BCL11A: variants seen among roughly 807,000 people sequenced by gnomAD.
The protein encoded by BCL11A is B cell CLL/lymphoma 11A.
A neutral mutation model predicts 55.9 loss-of-function variants in BCL11A; 2 were observed. That is an observed-to-expected ratio of 0.04 (90% CI 0.01 to 0.11). The LOEUF (loss-of-function observed/expected upper bound fraction) is 0.11. Among genes scored for constraint, BCL11A ranks in the 10% least tolerant of loss-of-function variants. BCL11A has a pLI of 1.00. For missense variants in BCL11A, 817 were observed against 1,137.1 expected (o/e 0.72, Z 4.05); for synonymous variants, 465 against 473.4 (o/e 0.98, Z 0.23).
At chr2:60,549,534 C>G (rs1356596788) in intron 1 of BCL11A, among the ~76,000 whole-genome samples, 1 of 152,214 alleles carries the variant, frequency 6.6e-6, no homozygotes, top group Non-Finnish European at 1.5e-5. Context: ...GGCGCGGGGA[C>G]TCTGAGGCAC....
At chr2:60,548,879 T>G (rs1670268718) in intron 1 of BCL11A, among the ~76,000 whole-genome samples, 1 of 152,222 alleles carries the variant, frequency 6.6e-6, no homozygotes, top group African/African-American at 2.4e-5. Context: ...CTTTTCTCAG[T>G]GGCAATCAAC....
At chr2:60,528,975 G>A (rs1331472877) in intron 2 of BCL11A, among the ~76,000 whole-genome samples, 1 of 152,190 alleles carries the variant, frequency 6.6e-6, no homozygotes, top group Non-Finnish European at 1.5e-5. Flanking sequence ...CCAGCTAGCA[G>A]TAACATAGAA....
At chr2:60,542,581 T>A (rs1316027441) in intron 2 of BCL11A, 1 of 152,246 alleles carries the variant, frequency 6.6e-6, no homozygotes, top group Non-Finnish European at 1.5e-5. Context: ...TTCAATGATC[T>A]CAATGGATCA....
intron 1 of BCL11A, among the ~76,000 whole-genome samples, chr2:60,552,040 C>T (rs1670434400): frequency 6.6e-6 from 1 of 152,032 alleles, no homozygotes; most frequent in African/African-American, 2.4e-5. Flanking sequence ...CTCTCTCCCT[C>T]TCCGTGCCGT....
rs1676109006 is a variant in BCL11A, at chr2:60,459,395, AT to A, written c.*1008del. 9.8e-7 allele frequency: 1 copy of A among 1,020,956 alleles called. No individual in the cohort carries two copies. The highest frequency in any genetic ancestry group is 1.7e-5 in the African/African-American group (1 of 58,700). 63.2% of individuals were successfully genotyped at this position (1,020,956 alleles called of 1,614,324 possible). On this transcript the variant is annotated 3_prime_UTR_variant, in exon 4 of 4. Transcript: ENST00000642384. Reference sequence around the variant, plus strand: ...TCAATTTAATCATTGTTTAAAAAAAATAAAACTTTGGGCAAAACAGCCCATT... The same window carrying A: ...TCAATTTAATCATTGTTTAAAAAAAAAAAACTTTGGGCAAAACAGCCCATT...
chr2:60,464,952 C>T (rs1049413685), intron 3 of BCL11A, among the ~76,000 whole-genome samples: 25 of 152,136 alleles, frequency 1.6e-4, no homozygotes, highest in Non-Finnish European at 4.4e-5. Flanking sequence ...TTCCCATCAA[C>T]TAGATATTCT....
At chr2:60,473,466 A>G (rs549003956) in intron 2 of BCL11A, among the ~76,000 whole-genome samples, 2 of 152,232 alleles carry the variant, frequency 1.3e-5, no homozygotes, top group East Asian at 3.9e-4. Context: ...CAGCTCTTCC[A>G]TGTACCACCT....
rs1265830275 is a variant in BCL11A at position 60,468,775 on chromosome 2, G to A, written c.444C>T (p.Ile148=). The change falls in exon 3 of 4, where the codon ATC becomes ATT. Residue 148 remains isoleucine, a synonymous_variant. Transcript: ENST00000642384. The part of the protein sequence containing the change: ...SSPRSAHGAL[I]PTPGMSAEYA... ...ATTCTGCACTCATCCCAGGCGTGGGGATTAGAGCTCCATGTGCAGAACGAG... is the reference window on the plus strand; with the variant it reads ...ATTCTGCACTCATCCCAGGCGTGGGAATTAGAGCTCCATGTGCAGAACGAG... The A allele has an allele frequency of 6.2e-7, 1 of 1,609,956 alleles. No individual in the cohort carries two copies. The highest frequency in any genetic ancestry group is 8.5e-7 in the Non-Finnish European group (1 of 1,179,006).
chr2:60,481,432 G>A (rs563268012), intron 2 of BCL11A, among the ~76,000 whole-genome samples: 3 of 152,008 alleles, frequency 2.0e-5, no homozygotes, highest in Non-Finnish European at 4.4e-5. Flanking sequence ...CGGCTTTAAC[G>A]CACTACACCC....
chr2:60,460,617 C>T lies in BCL11A; in HGVS notation c.2295G>A (p.Thr765=), dbSNP rs776621767. The change falls in exon 4 of 4, where the codon ACG becomes ACA. Residue 765 remains threonine (T), a synonymous_variant. Transcript: ENST00000642384. ...SNLTVHRRSH[T]GERPYKCELC... is the part of the protein sequence containing the mutation. The stretch of plus-strand genomic sequence containing the variant: ...GCTCGCATTTATAAGGCCTTTCGCC[C>T]GTGTGGCTTCTCCTGTGGACAGTGA... 8 of 1,614,152 alleles carry T rather than the reference C, an allele frequency of 5.0e-6. No homozygotes were observed. Among genetic ancestry groups the T allele is most frequent in the South Asian group, 1.1e-5 (1 of 91,086 alleles).
In BCL11A at chr2:60,546,530, T is replaced by G. The variant is rs918739327; in HGVS notation, c.56-230A>C. On this transcript the variant is annotated intron_variant, in intron 1 of 3. Coordinates refer to ENST00000642384, the MANE Select transcript of BCL11A (RefSeq NM_022893.4). This position sits in a 1 kb window ranked among gnomAD's most constrained non-coding sequence, Gnocchi z 4.1. Reference sequence around the variant, plus strand: ...ATCATCACATATGTAAAGAAAACAGTCTTCCTTGCATAACTCCAGAGAACA... The same window carrying G: ...ATCATCACATATGTAAAGAAAACAGGCTTCCTTGCATAACTCCAGAGAACA... 13 of 533,568 alleles carry G rather than the reference T, an allele frequency of 2.4e-5. No homozygotes were observed. The East Asian group carries it at 4.1e-4, about 17-fold the overall frequency. The allele number at this position is 533,568 out of a possible 1,614,324, so 33.1% of individuals were successfully genotyped here. A position where few individuals can be genotyped will look rare whatever the true frequency, so the allele number is the denominator to read the frequency against.
chr2:60,485,415 C>A (rs527474222), intron 2 of BCL11A, among the ~76,000 whole-genome samples: 3 of 152,364 alleles, frequency 2.0e-5, no homozygotes, highest in Non-Finnish European at 2.9e-5. Context: ...TCGTTCTTGG[C>A]TAGCAGATGC....
intron 2 of BCL11A, among the ~76,000 whole-genome samples, chr2:60,511,712 G>C (rs1401458823): frequency 6.6e-6 from 1 of 152,132 alleles, no homozygotes; most frequent in Non-Finnish European, 1.5e-5. Context: ...TATTTTCCAA[G>C]CCACAGAAAA....
intron 2 of BCL11A, among the ~76,000 whole-genome samples, chr2:60,479,123 G>A (rs1483905452): frequency 6.6e-6 from 1 of 152,208 alleles, no homozygotes; most frequent in African/African-American, 2.4e-5. Flanking sequence ...GCCATGGGGT[G>A]TGGCACTGCC....
chr2:60,485,259 G>T (rs1004236360), intron 2 of BCL11A, among the ~76,000 whole-genome samples: 1 of 152,244 alleles, frequency 6.6e-6, no homozygotes, highest in Non-Finnish European at 1.5e-5. Flanking sequence ...GGATGAGGTG[G>T]GGTGAGAGGC....
chr2:60,467,743 A>G lies in BCL11A; in HGVS notation c.487+989T>C, dbSNP rs1311984786. On this transcript the variant is annotated intron_variant, in intron 3 of 3. Coordinates refer to ENST00000642384, the MANE Select transcript of BCL11A (RefSeq NM_022893.4). Reference sequence around the variant, plus strand: ...TACTGGTGGTGATGGTGGTGGTGGTAGTGATGGTGGTGGTAATGGTGGTGG... The same window carrying G: ...TACTGGTGGTGATGGTGGTGGTGGTGGTGATGGTGGTGGTAATGGTGGTGG... Among the ~76,000 whole-genome samples the G allele has an allele frequency of 5.0e-3, 154 of 30,628 alleles. 13 individuals are homozygous for G. The highest frequency in any genetic ancestry group is 0.018 in the African/African-American group (128 of 7,276). 20.1% of individuals were successfully genotyped at this position (30,628 alleles called of 152,430 possible).
At chr2:60,504,615 G>C (rs1302467853) in intron 2 of BCL11A, among the ~76,000 whole-genome samples, 4 of 152,124 alleles carry the variant, frequency 2.6e-5, no homozygotes, top group Non-Finnish European at 5.9e-5. Flanking sequence ...CTCTGTCTCT[G>C]TCTCCCCCAA....
intron 1 of BCL11A, among the ~76,000 whole-genome samples, chr2:60,552,151 G>A (rs1280943570): frequency 1.3e-5 from 2 of 151,964 alleles, no homozygotes; most frequent in Non-Finnish European, 2.9e-5. Flanking sequence ...GGGGCTGGTG[G>A]GGGAGTCAAA....
intron 2 of BCL11A, among the ~76,000 whole-genome samples, chr2:60,500,281 G>A (rs7560588): frequency 0.21 from 31,872 of 152,194 alleles, 3,773 homozygotes; most frequent in Middle Eastern, 0.33. Context: ...AAGCCCAGGC[G>A]GGGAGGGGAC....
Sources: gnomAD v4.1 joint callset for allele counts (sites outside exome capture counted in the v4.1 genomes callset) on GRCh38, gnomAD v4.1.1 for gene constraint, Gnocchi (gnomAD v3.1) non-coding constraint, MANE v1.5 for transcripts, NCBI Gene and HGNC (gene_info 2026-07-23, HGNC 2026-07-21) for gene names.